The following RGS7 variants were observed in gnomAD, a reference collection of about 807,000 sequenced individuals.
The protein encoded by RGS7 is regulator of G-protein signaling 7.
Under a neutral mutation model 81.1 loss-of-function variants are expected in RGS7, and 27 were observed. That is an observed-to-expected ratio of 0.33 (90% CI 0.25 to 0.46). The LOEUF is 0.46. Ranked by LOEUF, RGS7 falls within the 20% of genes least tolerant of loss-of-function variation. The pLI, the probability that RGS7 is intolerant of heterozygous loss-of-function variation, is 1.00. For synonymous variants in RGS7, 208 were observed against 207.7 expected, an observed-to-expected ratio of 1.00 and a Z score of -0.01; for missense variants, 396 against 607.4, an observed-to-expected ratio of 0.65 and a Z score of 3.66.
chr1:241,081,461 C>A (rs1297739863), intron 3 of RGS7, among the ~76,000 whole-genome samples: 3 of 152,246 alleles, frequency 2.0e-5, no homozygotes, highest in Non-Finnish European at 2.9e-5. Flanking sequence ...CCAAAACAGT[C>A]CCAAACACTG....
chr1:241,031,371 C>T lies in RGS7; in HGVS notation c.176-48242G>A, dbSNP rs1169201509. Among the ~76,000 whole-genome samples the T allele has an allele frequency of 2.6e-5, 4 of 152,290 alleles. No individual in the cohort carries two copies. In the East Asian group the frequency reaches 7.7e-4, roughly 29 times the overall value. Reference sequence around the variant, plus strand: ...GTATACCATATTTTCTTTCTCCAGTCATTCCTTGATAGATGCTTAGGTTGA... The same window carrying T: ...GTATACCATATTTTCTTTCTCCAGTTATTCCTTGATAGATGCTTAGGTTGA... On this transcript the variant is annotated intron_variant, in intron 3 of 18. Coordinates refer to ENST00000440928, the MANE Select transcript of RGS7 (RefSeq NM_001364886.1).
intron 6 of RGS7, among the ~76,000 whole-genome samples, chr1:240,904,539 T>C (rs1445386694): frequency 6.6e-6 from 1 of 152,232 alleles, no homozygotes; most frequent in Non-Finnish European, 1.5e-5. Flanking sequence ...CTCTCTCTCT[T>C]CCTTCCTCTG....
intron 2 of RGS7, among the ~76,000 whole-genome samples, chr1:241,134,984 GAGA>G (rs1280257769): frequency 1.3e-5 from 2 of 150,826 alleles, no homozygotes; most frequent in African/African-American, 2.5e-5. Context: ...TCTGAAGATG[GAGA>G]AGGAGGCCGT....
chr1:241,136,292 C>T (rs370810606), intron 2 of RGS7, among the ~76,000 whole-genome samples: 20 of 152,260 alleles, frequency 1.3e-4, no homozygotes, highest in East Asian at 5.8e-4. Flanking sequence ...ATTTCAAGGC[C>T]CAGCTCCCAG....
At chr1:240,900,183 C>T (rs999965240) in intron 6 of RGS7, among the ~76,000 whole-genome samples, 10 of 152,118 alleles carry the variant, frequency 6.6e-5, no homozygotes, top group South Asian at 2.1e-4. Flanking sequence ...GTTAGCCATT[C>T]GTCTAATCTT....
intron 2 of RGS7, among the ~76,000 whole-genome samples, chr1:241,101,213 A>G (rs141997376): frequency 4.5e-4 from 69 of 152,258 alleles, no homozygotes; most frequent in African/African-American, 1.4e-3. Context: ...AAAGAACATG[A>G]TGCTGGGCAC....
intron 18 of RGS7, among the ~76,000 whole-genome samples, chr1:240,787,622 G>C (rs75600428): frequency 6.6e-6 from 1 of 152,138 alleles, no homozygotes; most frequent in Admixed American, 6.6e-5. Context: ...TAAAATGTAT[G>C]TATGATCTAC....
intron 6 of RGS7, among the ~76,000 whole-genome samples, chr1:240,874,765 G>A (rs1450633759): frequency 6.6e-6 from 1 of 152,132 alleles, no homozygotes; most frequent in African/African-American, 2.4e-5. Context: ...TCTCGGCCGG[G>A]TGCAGTGGAT....
At chr1:241,293,788 A>G (rs1461963713) in intron 2 of RGS7, among the ~76,000 whole-genome samples, 1 of 152,170 alleles carries the variant, frequency 6.6e-6, no homozygotes, top group Non-Finnish European at 1.5e-5. Context: ...AAGTCTGGTA[A>G]CAACAGATGC....
intron 6 of RGS7, among the ~76,000 whole-genome samples, chr1:240,917,853 T>G (rs964969464): frequency 2.0e-5 from 3 of 152,130 alleles, no homozygotes; most frequent in Non-Finnish European, 4.4e-5. Context: ...CCAACTATAT[T>G]CTGTTTAGAA....
intron 18 of RGS7, among the ~76,000 whole-genome samples, chr1:240,800,192 T>C (rs925239878): frequency 3.3e-5 from 5 of 152,154 alleles, no homozygotes; most frequent in Non-Finnish European, 5.9e-5. Flanking sequence ...TATTGCCCCA[T>C]GGTGACTTAT....
chr1:240,986,311 A>T (rs112476782), intron 3 of RGS7, among the ~76,000 whole-genome samples: 1 of 152,158 alleles, frequency 6.6e-6, no homozygotes, highest in Non-Finnish European at 1.5e-5. Flanking sequence ...TACCTGCTAT[A>T]CTGTTTCTTC....
At chr1:240,831,424 T>G (rs1044837258) in intron 9 of RGS7, among the ~76,000 whole-genome samples, 1 of 152,212 alleles carries the variant, frequency 6.6e-6, no homozygotes, top group African/African-American at 2.4e-5. Flanking sequence ...AATTCTCTTA[T>G]GTATTCAATA....
intron 2 of RGS7, among the ~76,000 whole-genome samples, chr1:241,243,264 AT>A (rs2076349995): frequency 6.6e-6 from 1 of 152,230 alleles, no homozygotes. Context: ...GTCACCAGGA[AT>A]GAAGAATTCT....
chr1:241,018,945 T>C (rs980652586), intron 3 of RGS7, among the ~76,000 whole-genome samples: 1 of 152,184 alleles, frequency 6.6e-6, no homozygotes, highest in African/African-American at 2.4e-5. Flanking sequence ...GAAAATTTAT[T>C]CCCCTGGGGA....
chr1:241,213,776 A>C (rs2074388088), intron 2 of RGS7, among the ~76,000 whole-genome samples: 1 of 152,208 alleles, frequency 6.6e-6, no homozygotes, highest in Non-Finnish European at 1.5e-5. Context: ...AATTTTTTAA[A>C]AAGAAAAATA....
intron 2 of RGS7, among the ~76,000 whole-genome samples, chr1:241,225,777 T>A (rs2075281007): frequency 6.6e-6 from 1 of 152,196 alleles, no homozygotes; most frequent in Non-Finnish European, 1.5e-5. Context: ...TAGGTACAGT[T>A]ATCAACAGTG....
chr1:240,965,021 T>C (rs974517719), intron 4 of RGS7, among the ~76,000 whole-genome samples: 2 of 152,214 alleles, frequency 1.3e-5, no homozygotes, highest in African/African-American at 4.8e-5. Context: ...GGTGACTAAT[T>C]AGATGTTTCA....
chr1:241,284,405 G>A (rs2078686204), intron 2 of RGS7, among the ~76,000 whole-genome samples: 1 of 151,484 alleles, frequency 6.6e-6, no homozygotes, highest in Non-Finnish European at 1.5e-5. Context: ...TTGGCAGGGG[G>A]GGTTGTTCTG....
Sources: allele counts gnomAD v4.1 joint callset (sites outside exome capture counted in the v4.1 genomes callset), GRCh38; gene constraint gnomAD v4.1.1; transcripts MANE v1.5; gene names NCBI Gene and HGNC (gene_info 2026-07-23, HGNC 2026-07-21).